The following B3GALT1 variants were observed in gnomAD, a reference collection of about 807,000 sequenced individuals.
B3GALT1 encodes the protein UDP-Gal:betaGlcNAc beta 1,3-galactosyltransferase, polypeptide 1.
In B3GALT1, 10 loss-of-function variants were observed where a neutral mutation model predicts 23.2. The observed-to-expected ratio is 0.43, with a 90% CI of 0.27 to 0.73. B3GALT1 has a LOEUF of 0.73. Ranked by LOEUF, B3GALT1 falls within the 30% of genes least tolerant of loss-of-function variation. The pLI is 0.21. For missense variants in B3GALT1, 299 were observed against 405.4 expected (o/e 0.74, Z 2.25); for synonymous variants, 156 against 141.5 (o/e 1.10, Z -0.73).
At chr2:167,320,737 G>GT (rs1696798614) in intron 1 of B3GALT1, among the ~76,000 whole-genome samples, 1 of 151,772 alleles carries the variant, frequency 6.6e-6, no homozygotes. Flanking sequence ...AAAACAACAT[G>GT]TTTTTAAAAA....
At chr2:167,692,395 GTAA>G (rs1686728922) in intron 3 of B3GALT1, among the ~76,000 whole-genome samples, 1 of 151,966 alleles carries the variant, frequency 6.6e-6, no homozygotes, top group African/African-American at 2.4e-5. Flanking sequence ...GGTAATTTGC[GTAA>G]TCATGTACTT....
Position 167,559,476 on chromosome 2 carries a change from GAGA to G in B3GALT1, c.-410+69205_-410+69207del, listed in dbSNP as rs533729740. On this transcript the variant is annotated intron_variant, in intron 2 of 4. Transcript: ENST00000392690. ...ACGGAGGATGACTTTGACGAGTTGA[GAGA>G]AGAAGGCTTCAGACGATCGAACTAC... Among the ~76,000 whole-genome samples the G allele has an allele frequency of 3.6e-3, 542 of 152,318 alleles. 5 individuals carry two copies. The highest frequency in any genetic ancestry group is 6.8e-3 in the Middle Eastern group (2 of 294).
At position 167,386,301 on chromosome 2, in the gene B3GALT1, TA is replaced by T. The variant is rs536567472; in HGVS notation, c.-511+92977del. 5.6e-3 allele frequency among the ~76,000 whole-genome samples: 834 copies of T among 150,060 alleles called. 1 individual carries two copies. The highest frequency in any genetic ancestry group is 0.011 in the African/African-American group (458 of 40,986). On this transcript the variant is annotated intron_variant, in intron 1 of 4. Transcript: ENST00000392690. ...TCTTTATAAAGAACGTTCTTTATGG[TA>T]AAAAAAAAATTCTGCTTCCCAAACC...
intron 2 of B3GALT1, among the ~76,000 whole-genome samples, chr2:167,628,095 T>C (rs1230024745): frequency 6.6e-6 from 1 of 151,790 alleles, no homozygotes; most frequent in Non-Finnish European, 1.5e-5. Context: ...TTACATATTC[T>C]GGTGAAAAGT....
At chr2:167,385,774 A>C (rs1444353671) in intron 1 of B3GALT1, among the ~76,000 whole-genome samples, 1 of 152,168 alleles carries the variant, frequency 6.6e-6, no homozygotes, top group Non-Finnish European at 1.5e-5. Context: ...CACCACTAGC[A>C]CAGGTTTCTA....
At chr2:167,867,207 T>G (rs941762395) in intron 4 of B3GALT1, among the ~76,000 whole-genome samples, 3 of 152,366 alleles carry the variant, frequency 2.0e-5, no homozygotes, top group East Asian at 3.9e-4. Flanking sequence ...ATTACAGGCG[T>G]GAGCCACCGC....
chr2:167,720,818 G>A (rs1283918517), intron 3 of B3GALT1, among the ~76,000 whole-genome samples: 2 of 152,154 alleles, frequency 1.3e-5, no homozygotes, highest in South Asian at 2.1e-4. Context: ...TGTTTACTGA[G>A]GATATTACAT....
At chr2:167,544,992 G>C (rs1362448281) in intron 2 of B3GALT1, among the ~76,000 whole-genome samples, 1 of 148,558 alleles carries the variant, frequency 6.7e-6, no homozygotes, top group Non-Finnish European at 1.5e-5. Flanking sequence ...TGGTGGAAGG[G>C]GACCCGGAAG....
intron 3 of B3GALT1, among the ~76,000 whole-genome samples, chr2:167,724,168 T>C (rs1453836104): frequency 2.0e-5 from 3 of 152,212 alleles, no homozygotes; most frequent in African/African-American, 4.8e-5. Context: ...CTTTGATTCT[T>C]GGTTTACTCC....
chr2:167,760,377 A>G (rs1490237201), intron 3 of B3GALT1, among the ~76,000 whole-genome samples: 1 of 152,178 alleles, frequency 6.6e-6, no homozygotes, highest in Non-Finnish European at 1.5e-5. Context: ...CACTGAGTAT[A>G]AGGATTTCCA....
chr2:167,713,689 G>A (rs1384669189), intron 3 of B3GALT1: 2 of 1,471,616 alleles, frequency 1.4e-6, no homozygotes, highest in Non-Finnish European at 1.9e-6. Context: ...ATGTTCAGTA[G>A]CAGGCTCCTT....
intron 1 of B3GALT1, among the ~76,000 whole-genome samples, chr2:167,454,370 C>T (rs968908385): frequency 2.0e-5 from 3 of 152,192 alleles, no homozygotes. Flanking sequence ...GCCACTTCTC[C>T]CTCAGTCCTT....
chr2:167,866,505 T>C (rs1309688431), intron 4 of B3GALT1, among the ~76,000 whole-genome samples: 4 of 152,204 alleles, frequency 2.6e-5, no homozygotes, highest in Non-Finnish European at 5.9e-5. Context: ...GATGGATGCA[T>C]GGATTAACAA....
At chr2:167,630,637 A>AT (rs1685424642) in intron 2 of B3GALT1, among the ~76,000 whole-genome samples, 1 of 151,760 alleles carries the variant, frequency 6.6e-6, no homozygotes, top group African/African-American at 2.4e-5. Flanking sequence ...TCAGCAAAAA[A>AT]AAAAGCTAGA....
intron 1 of B3GALT1, among the ~76,000 whole-genome samples, chr2:167,388,884 A>T (rs1697973684): frequency 6.6e-6 from 1 of 152,202 alleles, no homozygotes; most frequent in Admixed American, 6.5e-5. Flanking sequence ...CAATAAAACC[A>T]TATACTGATA....
chr2:167,403,479 A>G (rs540105721), intron 1 of B3GALT1, among the ~76,000 whole-genome samples: 2 of 152,138 alleles, frequency 1.3e-5, no homozygotes, highest in East Asian at 3.9e-4. Context: ...GCTGCAATAA[A>G]CATACGTGCA....
In B3GALT1 at chr2:167,870,162, G is replaced by A; in HGVS notation, c.*142G>A. 3.7e-6 allele frequency: 3 copies of A among 810,664 alleles called. No individual in the cohort carries two copies. Among genetic ancestry groups the A allele is most frequent in the South Asian group, 2.3e-5 (1 of 43,148 alleles). 50.2% of individuals were successfully genotyped at this position (810,664 alleles called of 1,614,324 possible). A position where few individuals can be genotyped will look rare whatever the true frequency, so the allele number is the denominator to read the frequency against. ...GCTTCCTGCTATAAGTTCTTTTCTT[G>A]GATTACCAATTTATGAATGTTAGAC... On this transcript the variant is annotated 3_prime_UTR_variant, in exon 5 of 5. Coordinates refer to ENST00000392690, the MANE Select transcript of B3GALT1 (RefSeq NM_020981.4).
At chr2:167,463,988 A>G (rs1189663072) in intron 1 of B3GALT1, among the ~76,000 whole-genome samples, 1 of 152,166 alleles carries the variant, frequency 6.6e-6, no homozygotes, top group Non-Finnish European at 1.5e-5. Flanking sequence ...GCTTTGGGCT[A>G]TGTCATCCTT....
intron 3 of B3GALT1, among the ~76,000 whole-genome samples, chr2:167,786,021 T>C (rs1688338740): frequency 6.6e-6 from 1 of 152,222 alleles, no homozygotes; most frequent in Admixed American, 6.5e-5. Context: ...TCCCTGCTCA[T>C]TTCCAGTTGT....
Sources: gnomAD v4.1 joint callset for allele counts (sites outside exome capture counted in the v4.1 genomes callset) on GRCh38, gnomAD v4.1.1 for gene constraint, MANE v1.5 for transcripts, NCBI Gene and HGNC (gene_info 2026-07-23, HGNC 2026-07-21) for gene names.